MGA: variants seen among roughly 807,000 people sequenced by gnomAD.
MGA encodes the protein MAX dimerization protein MGA.
MGA carries 40 observed loss-of-function variants against 261.1 expected under a neutral mutation model. That is an observed-to-expected ratio of 0.15 (90% confidence interval 0.12 to 0.20). The LOEUF (loss-of-function observed/expected upper bound fraction) is 0.20, where lower values mean the gene tolerates loss of function less well. Ranked by LOEUF, MGA falls within the 10% of genes least tolerant of loss-of-function variation. The pLI is 1.00. For synonymous variants in MGA, 1,302 were observed against 1,290.6 expected (o/e 1.01, Z -0.19); for missense variants, 3,397 against 3,630.5 (o/e 0.94, Z 1.65).
chr15:41,750,607 G>A lies in MGA; in HGVS notation c.7000G>A (p.Val2334Ile), dbSNP rs776173416. The change falls in exon 17 of 24, where the codon GTA (valine) becomes ATA (isoleucine). Residue 2334 changes from valine (V) to isoleucine (I), a missense_variant. Val to Ile is a conservative substitution (Grantham distance 29, BLOSUM62 3). Transcript: ENST00000219905. The stretch of plus-strand genomic sequence containing the variant: ...CTACCAGAGTGAGGAGGTTGATGAT[G>A]TAGAAAAGGTGGTGAGCCCATTTTT... The A allele has an allele frequency of 3.1e-6, 5 of 1,603,556 alleles. No homozygotes were observed. Among genetic ancestry groups the A allele is most frequent in the Non-Finnish European group, 4.3e-6 (5 of 1,175,466 alleles).
At chr15:41,760,596 A>G (rs1333058831) in intron 20 of MGA, 67 bp downstream of exon 20, 21 of 1,494,306 alleles carry the variant, frequency 1.4e-5, no homozygotes, top group Non-Finnish European at 1.9e-5. Context: ...TATGAGAAAG[A>G]TAATCCACTG....
chr15:41,702,364 GTAAGT>G (rs2059899702), intron 5 of MGA, among the ~76,000 whole-genome samples: 1 of 151,684 alleles, frequency 6.6e-6, no homozygotes, highest in African/African-American at 2.4e-5. Context: ...TTTCTGAAGA[GTAAGT>G]TAATTTGGCT....
intron 2 of MGA, 135 bp downstream of exon 2, chr15:41,670,093 C>A: frequency 2.8e-6 from 2 of 708,644 alleles, no homozygotes; most frequent in Non-Finnish European, 2.3e-6. Flanking sequence ...ACTACAACTG[C>A]TTTTACATTC....
chr15:41,678,583 G>A (rs1350612550), intron 2 of MGA, among the ~76,000 whole-genome samples: 5 of 151,038 alleles, frequency 3.3e-5, no homozygotes, highest in African/African-American at 1.2e-4. Context: ...GGCCAACATA[G>A]TGAAACCCTG....
At chr15:41,757,639 T>C (rs1396459370) in intron 18 of MGA, 149 bp from the exon 19 acceptor site, 1 of 503,710 alleles carries the variant, frequency 2.0e-6, no homozygotes, top group African/African-American at 1.9e-5. Context: ...TTAGAGAAAA[T>C]ATATAATGTC....
Position 41,749,789 on chromosome 15 carries a change from A to G in MGA, c.6182A>G (p.Asp2061Gly), listed in dbSNP as rs745422562. 8 of 1,613,998 alleles carry G rather than the reference A, an allele frequency of 5.0e-6. No individual in the cohort carries two copies. Among genetic ancestry groups the G allele is most frequent in the Non-Finnish European group, 5.9e-6 (7 of 1,179,880 alleles). Residue 2061 changes from aspartate (D) to glycine (G), a missense_variant, in exon 17 of 24, where the codon GAT becomes GGT. By Grantham distance (94) the Asp-to-Gly change is moderately conservative. Around this residue, in one of 9 missense-constraint regions of MGA, gnomAD observed 1,410 missense variants for 1,386.4 expected, o/e 1.02. Coordinates refer to ENST00000219905, the MANE Select transcript of MGA (RefSeq NM_001164273.2). The stretch of plus-strand genomic sequence containing the variant: ...ATCACTGGGTCACATACAGATCAAG[A>G]TTATAAAGATGTTAATGAAGAATAT...
At chr15:41,709,477 C>T (rs2060277391) in intron 7 of MGA, among the ~76,000 whole-genome samples, 1 of 152,088 alleles carries the variant, frequency 6.6e-6, no homozygotes, top group Non-Finnish European at 1.5e-5. Flanking sequence ...CGGGGTCTTG[C>T]TCCATTGCCC....
intron 3 of MGA, among the ~76,000 whole-genome samples, chr15:41,697,630 A>T (rs1040349241): frequency 5.9e-5 from 9 of 151,752 alleles, no homozygotes; most frequent in African/African-American, 2.2e-4. Flanking sequence ...TTGGCCAGCT[A>T]ATTTCTAACT....
At chr15:41,740,834 G>C (rs1214386586) in intron 14 of MGA, among the ~76,000 whole-genome samples, 1 of 152,170 alleles carries the variant, frequency 6.6e-6, no homozygotes, top group Non-Finnish European at 1.5e-5. Flanking sequence ...TTCTATGAAT[G>C]AAAATCTCTC....
At chr15:41,639,655 C>T (rs2056782900) in intron 1 of MGA, among the ~76,000 whole-genome samples, 1 of 152,126 alleles carries the variant, frequency 6.6e-6, no homozygotes, top group Non-Finnish European at 1.5e-5. Flanking sequence ...CACCATTCCC[C>T]TGCCTCAGCC....
chr15:41,648,805 A>T (rs780697592), intron 1 of MGA, among the ~76,000 whole-genome samples: 1 of 152,184 alleles, frequency 6.6e-6, no homozygotes, highest in Non-Finnish European at 1.5e-5. Context: ...TGGGAAGCTA[A>T]TGGAAGGTTA....
intron 5 of MGA, among the ~76,000 whole-genome samples, chr15:41,700,938 C>A (rs2059819382): frequency 6.6e-6 from 1 of 152,148 alleles, no homozygotes; most frequent in Admixed American, 6.5e-5. Context: ...CATTCCGTTT[C>A]TAAATCAAAT....
At chr15:41,762,458 GTGGT>G in intron 22 of MGA, 96 bp downstream of exon 22, 2 of 214,124 alleles carry the variant, frequency 9.3e-6, no homozygotes, top group Non-Finnish European at 1.5e-5. Context: ...TTAGTTTTGT[GTGGT>G]TTTTTTTTTT....
In MGA at chr15:41,668,873, T is replaced by C; in HGVS notation, c.-22T>C. 1 of 1,513,662 alleles carries C rather than the reference T, an allele frequency of 6.6e-7. No individual in the cohort carries two copies. Among genetic ancestry groups the C allele is most frequent in the Middle Eastern group, 1.8e-4 (1 of 5,620 alleles). The allele number at this position is 1,513,662 out of a possible 1,614,324, so 93.8% of individuals were successfully genotyped here. A position where few individuals can be genotyped will look rare whatever the true frequency, so the allele number is the denominator to read the frequency against. The stretch of plus-strand genomic sequence containing the variant: ...TATGTGGTGATTACAGTTGTCTTAC[T>C]ACTGAGTTTCCTACTGAAATCATGG... On this transcript the variant is annotated 5_prime_UTR_variant, in exon 2 of 24. Coordinates refer to ENST00000219905, the MANE Select transcript of MGA (RefSeq NM_001164273.2).
chr15:41,647,663 C>T (rs1239848182), intron 1 of MGA, among the ~76,000 whole-genome samples: 1 of 152,124 alleles, frequency 6.6e-6, no homozygotes, highest in Non-Finnish European at 1.5e-5. Context: ...CTGACCATAA[C>T]CCTCTGAAAT....
intron 2 of MGA, among the ~76,000 whole-genome samples, chr15:41,683,967 G>T (rs926893108): frequency 2.6e-5 from 4 of 151,866 alleles, no homozygotes; most frequent in Non-Finnish European, 5.9e-5. Flanking sequence ...ACATGTGCAG[G>T]ATGTGCAGGT....
At chr15:41,692,653 T>C (rs1428678336) in intron 2 of MGA, among the ~76,000 whole-genome samples, 1 of 152,202 alleles carries the variant, frequency 6.6e-6, no homozygotes, top group East Asian at 1.9e-4. Flanking sequence ...ATGGCAAAAG[T>C]GATGATATTT....
chr15:41,694,273 G>A (rs992806359), intron 2 of MGA, among the ~76,000 whole-genome samples: 2 of 151,810 alleles, frequency 1.3e-5, no homozygotes, highest in Admixed American at 6.6e-5. Context: ...AAAATTAGCC[G>A]GGCGTGTTGG....
chr15:41,762,416 A>T, intron 22 of MGA, 54 bp downstream of exon 22: 3 of 1,070,044 alleles, frequency 2.8e-6, no homozygotes, highest in African/African-American at 1.8e-5. Context: ...AGTTGACTTT[A>T]GTGGACTGAC....
Sources: allele counts gnomAD v4.1 joint callset (sites outside exome capture counted in the v4.1 genomes callset), GRCh38; gene constraint gnomAD v4.1.1; regional missense constraint gnomAD v4.1.1; transcripts MANE v1.5; gene names NCBI Gene and HGNC (gene_info 2026-07-23, HGNC 2026-07-21).